Variants in HIP1 observed in about 807,000 individuals in gnomAD.
The protein encoded by HIP1 is huntingtin-interacting protein 1.
HIP1 carries 65 observed loss-of-function variants against 147.6 expected under a neutral mutation model. The observed-to-expected ratio is 0.44, with a 90% confidence interval of 0.36 to 0.54. The LOEUF (loss-of-function observed/expected upper bound fraction) is 0.54. Among genes scored for constraint, HIP1 ranks in the 20% least tolerant of loss-of-function variants. HIP1 has a pLI of 0.00. For missense variants in HIP1, 1,061 were observed against 1,299.6 expected, an observed-to-expected ratio of 0.82 and a Z score of 2.82; for synonymous variants, 479 against 504.0, an observed-to-expected ratio of 0.95 and a Z score of 0.67.
intron 1 of HIP1, among the ~76,000 whole-genome samples, chr7:75,682,871 C>T (rs1345970569): frequency 4.6e-5 from 7 of 152,272 alleles, no homozygotes; most frequent in East Asian, 1.9e-4. Context: ...AATCTGTCCC[C>T]GCTCTGCTGG....
rs1554490267 is a variant in HIP1, at chr7:75,542,950, T to C, written c.2791A>G (p.Asn931Asp). 6.2e-7 allele frequency: 1 copy of C among 1,613,884 alleles called. No individual in the cohort carries two copies. The highest frequency in any genetic ancestry group is 8.5e-7 in the Non-Finnish European group (1 of 1,179,918). The change falls in exon 28 of 31, where the codon AAC becomes GAC. Residue 931 changes from asparagine to aspartate, a missense_variant. Transcript: ENST00000336926. ...GAGGCCTGCTGCAGCTGGGCTAGGT[T>C]GGGGCTGTCCTTATCAGCTTTCACC... ...SKVKADKDSP[N>D]LAQLQQASRG...
intron 5 of HIP1, among the ~76,000 whole-genome samples, chr7:75,585,066 T>C (rs1554499284): frequency 1.3e-5 from 2 of 152,034 alleles, no homozygotes; most frequent in African/African-American, 4.8e-5. Flanking sequence ...GTCAGGCTGG[T>C]CTCCAACTCC....
rs1354377234 is a variant in HIP1, at chr7:75,536,300, G to GT, written c.*1871dup. ...TGGTCATCCGAGGTCCTGGGAGAGA[G>GT]TTTTTTGAATGTCCCACTTAGAAAA... On this transcript the variant is annotated 3_prime_UTR_variant, in exon 31 of 31. Transcript: ENST00000336926. 6.1e-6 allele frequency: 1 copy of GT among 165,054 alleles called. No homozygotes were observed. Among genetic ancestry groups the GT allele is most frequent in the African/African-American group, 2.6e-5 (1 of 38,548 alleles). 10.2% of individuals were successfully genotyped at this position (165,054 alleles called of 1,614,324 possible).
At chr7:75,551,004 C>T (rs1487693106) in intron 22 of HIP1, among the ~76,000 whole-genome samples, 2 of 151,874 alleles carry the variant, frequency 1.3e-5, no homozygotes, top group African/African-American at 2.4e-5. Flanking sequence ...ATGAATTAAG[C>T]GATATTCACA....
At chr7:75,717,772 A>G (rs536018692) in intron 1 of HIP1, among the ~76,000 whole-genome samples, 1 of 151,822 alleles carries the variant, frequency 6.6e-6, no homozygotes, top group South Asian at 2.1e-4. Flanking sequence ...GGAATTTGAG[A>G]CCAGCCTCAC....
intron 30 of HIP1, among the ~76,000 whole-genome samples, chr7:75,538,764 C>T (rs797037635): frequency 3.9e-5 from 6 of 152,012 alleles, no homozygotes; most frequent in African/African-American, 1.2e-4. Context: ...TTAGTAGAGA[C>T]GGGGTTTCAC....
At chr7:75,702,969 A>G (rs1800881189) in intron 1 of HIP1, among the ~76,000 whole-genome samples, 1 of 152,192 alleles carries the variant, frequency 6.6e-6, no homozygotes, top group Admixed American at 6.6e-5. Flanking sequence ...TGGTGATCAG[A>G]TTTCAACATA....
chr7:75,596,919 T>A (rs1240262849), intron 2 of HIP1, among the ~76,000 whole-genome samples: 2 of 152,224 alleles, frequency 1.3e-5, no homozygotes, highest in Non-Finnish European at 2.9e-5. Context: ...CACTGCCTGA[T>A]GATAACTGTC....
chr7:75,559,638 C>A lies in HIP1; in HGVS notation c.1375+94G>T, dbSNP rs782809811. 6 of 1,020,872 alleles carry A rather than the reference C, an allele frequency of 5.9e-6. No individual in the cohort carries two copies. In the East Asian group the frequency reaches 1.0e-4, roughly 18 times the overall value. The allele number at this position is 1,020,872 out of a possible 1,614,324, so 63.2% of individuals were successfully genotyped here. ...TTCTAGAAAGACAGTCTGGGTCTCC[C>A]CCACCCAGCCTCTGTGCCGCATCCT... On this transcript the variant is annotated intron_variant, in intron 14 of 30. Coordinates refer to ENST00000336926, the MANE Select transcript of HIP1 (RefSeq NM_005338.7).
intron 1 of HIP1, among the ~76,000 whole-genome samples, chr7:75,645,155 C>T (rs868957628): frequency 1.6e-4 from 24 of 152,292 alleles, no homozygotes; most frequent in African/African-American, 5.5e-4. Context: ...ACGTTCTTAG[C>T]ATAGTACCAG....
At chr7:75,716,000 C>G (rs1354890004) in intron 1 of HIP1, among the ~76,000 whole-genome samples, 1 of 151,950 alleles carries the variant, frequency 6.6e-6, no homozygotes, top group Non-Finnish European at 1.5e-5. Flanking sequence ...CATGAACTAA[C>G]AGAATGAGAA....
chr7:75,566,611 G>A (rs937278987), intron 9 of HIP1, among the ~76,000 whole-genome samples: 4 of 151,430 alleles, frequency 2.6e-5, no homozygotes, highest in Non-Finnish European at 4.4e-5. Context: ...CTTATGCAGA[G>A]GTGCTTCCGC....
chr7:75,632,590 G>A (rs1554509111), intron 1 of HIP1, among the ~76,000 whole-genome samples: 2 of 147,926 alleles, frequency 1.4e-5, no homozygotes. Context: ...TAGAGACAGG[G>A]TCTCACTATG....
intron 1 of HIP1, among the ~76,000 whole-genome samples, chr7:75,727,408 C>CT (rs34320652): frequency 0.018 from 2,608 of 143,254 alleles, 26 homozygotes; most frequent in Non-Finnish European, 0.022. Flanking sequence ...TTCTTTCTTT[C>CT]TTTTTTTTTT....
chr7:75,670,797 T>G (rs1799708997), intron 1 of HIP1, among the ~76,000 whole-genome samples: 1 of 146,970 alleles, frequency 6.8e-6, no homozygotes, highest in Non-Finnish European at 1.5e-5. Context: ...TTTTTTTTTT[T>G]TTTTGGTAGA....
At chr7:75,579,819 G>A (rs1795973074) in intron 7 of HIP1, among the ~76,000 whole-genome samples, 1 of 152,176 alleles carries the variant, frequency 6.6e-6, no homozygotes, top group Non-Finnish European at 1.5e-5. Context: ...ATGCAGAGAA[G>A]GCCACGAGGC....
At chr7:75,653,231 T>A (rs1288432026) in intron 1 of HIP1, among the ~76,000 whole-genome samples, 1 of 152,212 alleles carries the variant, frequency 6.6e-6, no homozygotes, top group Non-Finnish European at 1.5e-5. Flanking sequence ...GGGAATCTCA[T>A]TGGCAATGAA....
chr7:75,704,354 C>T (rs1200170161), intron 1 of HIP1, among the ~76,000 whole-genome samples: 2 of 151,964 alleles, frequency 1.3e-5, no homozygotes, highest in Non-Finnish European at 2.9e-5. Context: ...AAGCGATTCT[C>T]CTGCCTCAGC....
chr7:75,562,025 G>A (rs781797037), intron 12 of HIP1, 48 bp downstream of exon 12: 29 of 1,085,728 alleles, frequency 2.7e-5, no homozygotes, highest in South Asian at 1.3e-5. Flanking sequence ...GCAGACCATG[G>A]CTTAACTTAG....
Sources: gnomAD v4.1 joint callset for allele counts (sites outside exome capture counted in the v4.1 genomes callset) on GRCh38, gnomAD v4.1.1 for gene constraint, MANE v1.5 for transcripts, NCBI Gene and HGNC (gene_info 2026-07-23, HGNC 2026-07-21) for gene names.